DST: variants seen among roughly 807,000 people sequenced by gnomAD.
DST encodes bullous pemphigoid antigen.
DST carries 253 observed loss-of-function variants against 875.2 expected under a neutral mutation model. That is an observed-to-expected ratio of 0.29 (90% confidence interval 0.26 to 0.32). The LOEUF (loss-of-function observed/expected upper bound fraction) is 0.32. Ranked by LOEUF, DST falls within the 10% of genes least tolerant of loss-of-function variation. DST has a pLI of 1.00. For missense variants in DST, 8,287 were observed against 9,111.6 expected (o/e 0.91, Z 3.68); for synonymous variants, 3,124 against 3,197.1 (o/e 0.98, Z 0.77).
At chr6:56,594,319 C>A in intron 47 of DST, 126 bp from the exon 48 acceptor site, 1 of 689,376 alleles carries the variant, frequency 1.5e-6, no homozygotes, top group African/African-American at 1.8e-5. Context: ...TTCTCATTCC[C>A]CTTTTCAAGC....
At chr6:56,603,098 G>A in intron 42 of DST, 67 bp from the exon 43 acceptor site, 1 of 1,534,010 alleles carries the variant, frequency 6.5e-7, no homozygotes, top group East Asian at 2.3e-5. Context: ...AATAATGACT[G>A]TGGTTTAAGA....
chr6:56,564,797 G>A (rs1188383282), intron 55 of DST, among the ~76,000 whole-genome samples: 4 of 152,080 alleles, frequency 2.6e-5, no homozygotes, highest in Admixed American at 1.3e-4. Flanking sequence ...GAATGTTATC[G>A]AAGGCCTTTT....
intron 4 of DST, among the ~76,000 whole-genome samples, chr6:56,753,803 A>C (rs187630049): frequency 3.1e-4 from 47 of 152,338 alleles, no homozygotes; most frequent in Admixed American, 2.2e-3. Flanking sequence ...ATGAGTAAGC[A>C]CAAGTTAACA....
chr6:56,558,626 A>G (rs974488768), intron 58 of DST, among the ~76,000 whole-genome samples: 1 of 151,740 alleles, frequency 6.6e-6, no homozygotes, highest in Non-Finnish European at 1.5e-5. Flanking sequence ...CAATTTCCCT[A>G]AAAAAAATGT....
chr6:56,708,065 C>T (rs1002571121), intron 5 of DST, among the ~76,000 whole-genome samples: 5 of 152,090 alleles, frequency 3.3e-5, no homozygotes, highest in Admixed American at 1.3e-4. Context: ...CCACTGCACT[C>T]CAGCCTGGGC....
At chr6:56,503,524 T>C (rs2096205833) in intron 78 of DST, among the ~76,000 whole-genome samples, 1 of 151,416 alleles carries the variant, frequency 6.6e-6, no homozygotes, top group South Asian at 2.1e-4. Context: ...TACTACTGAA[T>C]AAACAAGTTA....
Position 56,625,171 on chromosome 6 carries a change from G to C in DST, c.4816C>G (p.Leu1606Val), listed in dbSNP as rs1388548098. The change falls in exon 35 of 104, where the codon CTC becomes GTC. Residue 1606 changes from leucine to valine, a missense_variant. Physicochemically the swap from Leu to Val is conservative, Grantham distance 32. Coordinates refer to ENST00000680361, the MANE Select transcript of DST (RefSeq NM_001374736.1). ...ACTTTTATTACCTCTTGAATAATGAGATCTGCTGAACTCTGCATTCTTCGG... is the reference window on the plus strand; with the variant it reads ...ACTTTTATTACCTCTTGAATAATGACATCTGCTGAACTCTGCATTCTTCGG... The part of the protein sequence containing the change: ...KRRRMQSSAD[L>V]IIQEFMDLRT... 7.5e-6 allele frequency: 12 copies of C among 1,610,596 alleles called. No homozygotes were observed. The highest frequency in any genetic ancestry group is 1.0e-5 in the Non-Finnish European group (12 of 1,177,082).
At chr6:56,866,792 C>T (rs1299623677) in intron 3 of DST, among the ~76,000 whole-genome samples, 1 of 152,100 alleles carries the variant, frequency 6.6e-6, no homozygotes, top group Non-Finnish European at 1.5e-5. Context: ...AGCATGGTGG[C>T]AAACCCATAG....
intron 3 of DST, among the ~76,000 whole-genome samples, chr6:56,860,479 C>A (rs1178945652): frequency 1.3e-5 from 2 of 152,098 alleles, no homozygotes; most frequent in Non-Finnish European, 2.9e-5. Flanking sequence ...TGCTGTATCC[C>A]CAAATACCCT....
In DST at chr6:56,712,086, G is replaced by A. The variant is rs1191113877; in HGVS notation, c.688-7717C>T. 4.3e-4 allele frequency among the ~76,000 whole-genome samples: 41 copies of A among 95,414 alleles called. 1 individual carries two copies. Among genetic ancestry groups the A allele is most frequent in the African/African-American group, 8.9e-4 (22 of 24,698 alleles). The allele number at this position is 95,414 out of a possible 152,430, so 62.6% of individuals were successfully genotyped here. The stretch of plus-strand genomic sequence containing the variant: ...AGCCTGGGCGACAGAGCGAGACTCC[G>A]TCTCAAAAAAAAAAAAAAAATAGGA... On this transcript the variant is annotated intron_variant, in intron 5 of 103. Transcript: ENST00000680361.
intron 88 of DST, 48 bp downstream of exon 88, chr6:56,485,264 C>T: frequency 1.2e-6 from 2 of 1,602,452 alleles, no homozygotes; most frequent in Non-Finnish European, 1.7e-6. Context: ...TTCCTGTACA[C>T]TCAGAATAAT....
At chr6:56,653,318 T>C (rs1001965963) in intron 10 of DST, among the ~76,000 whole-genome samples, 8 of 152,188 alleles carry the variant, frequency 5.3e-5, no homozygotes, top group African/African-American at 1.9e-4. Context: ...AAAACTGAAA[T>C]GGTTTTCCTC....
At chr6:56,630,205 G>C (rs767762305) in intron 31 of DST, 40 bp downstream of exon 31, 1 of 1,427,972 alleles carries the variant, frequency 7.0e-7, no homozygotes, top group South Asian at 1.2e-5. Flanking sequence ...AATACTTGTA[G>C]AATACGATAT....
intron 62 of DST, among the ~76,000 whole-genome samples, chr6:56,536,274 A>T (rs1477333068): frequency 6.6e-6 from 1 of 152,260 alleles, no homozygotes; most frequent in African/African-American, 2.4e-5. Context: ...CTGATGGTCT[A>T]CAGTGAGGGT....
Position 56,666,525 on chromosome 6 carries a change from C to A in DST, c.1214+4116G>T, listed in dbSNP as rs182699102. ...ATAGGGATAACCACATCCCTCTTTT[C>A]ATCCACTACAGCAACCAACAGAAAC... is the stretch of plus-strand genomic sequence containing the variant. On this transcript the variant is annotated intron_variant, in intron 10 of 103. Coordinates refer to ENST00000680361, the MANE Select transcript of DST (RefSeq NM_001374736.1). Among the ~76,000 whole-genome samples the A allele has an allele frequency of 1.9e-3, 283 of 152,210 alleles. 3 individuals are homozygous for A. The highest frequency in any genetic ancestry group is 0.017 in the Admixed American group (262 of 15,272).
At chr6:56,641,115 C>CAGAGAG (rs145412096) in intron 17 of DST, among the ~76,000 whole-genome samples, 4,109 of 142,578 alleles carry the variant, frequency 0.029, 88 homozygotes, top group African/African-American at 0.066. Context: ...TATTTATGCA[C>CAGAGAG]AGAGAGAGAG....
chr6:56,900,238 A>G (rs1312148833), intron 3 of DST, among the ~76,000 whole-genome samples, 183 bp downstream of exon 3: 9 of 151,684 alleles, frequency 5.9e-5, no homozygotes, highest in Admixed American at 5.3e-4. Context: ...CTATCTATCC[A>G]TCCTAGAACA....
At chr6:56,502,553 C>T (rs2096169245) in intron 78 of DST, among the ~76,000 whole-genome samples, 3 of 151,980 alleles carry the variant, frequency 2.0e-5, no homozygotes, top group African/African-American at 7.2e-5. Context: ...GCCATATGCC[C>T]TAAGTGGGTG....
intron 4 of DST, 46 bp from the exon 5 acceptor site, chr6:56,735,335 G>T: frequency 9.3e-7 from 1 of 1,075,202 alleles, no homozygotes; most frequent in Non-Finnish European, 1.4e-6. Flanking sequence ...TAAAATCTAT[G>T]AATAGATGAC....
Sources: gnomAD v4.1 joint callset for allele counts (sites outside exome capture counted in the v4.1 genomes callset) on GRCh38, gnomAD v4.1.1 for gene constraint, MANE v1.5 for transcripts, NCBI Gene and HGNC (gene_info 2026-07-23, HGNC 2026-07-21) for gene names.